The following OFD1 variants were observed in gnomAD, a reference collection of about 807,000 sequenced individuals.
OFD1 encodes OFD1 centriole and centriolar satellite protein, also known as centriole and centriolar satellite protein OFD1.
Under a neutral mutation model 81.4 loss-of-function variants are expected in OFD1, and 12 were observed. The ratio of observed to expected loss-of-function variants is 0.15; its 90% confidence interval spans 0.09 to 0.24. The LOEUF is 0.24. Among genes scored for constraint, OFD1 ranks in the 10% least tolerant of loss-of-function variants. The pLI is 1.00. For synonymous variants in OFD1, 256 were observed against 263.7 expected, an observed-to-expected ratio of 0.97 and a Z score of 0.28; for missense variants, 685 against 733.9, an observed-to-expected ratio of 0.93 and a Z score of 0.77.
intron 6 of OFD1, 108 bp from the exon 7 acceptor site, chrX:13,746,211 C>T: frequency 1.5e-6 from 1 of 683,436 alleles, no homozygotes. Context: ...TGCAGATAAT[C>T]CCTACACTTT....
Position 13,749,411 on chromosome X carries a change from A to G in OFD1, c.829-16A>G, listed in dbSNP as rs886658439. 8.8e-6 allele frequency: 9 copies of G among 1,025,151 alleles called. No homozygotes were observed. The highest frequency in any genetic ancestry group is 1.1e-5 in the Non-Finnish European group (8 of 725,967). The allele number at this position is 1,025,151 out of a possible 1,213,427, so 84.5% of individuals were successfully genotyped here. Reference sequence around the variant, plus strand: ...TCATTAGCTTGCTTGCTAAAAATTAATGCTTTTCTATACAGATTGAAACAA... The same window carrying G: ...TCATTAGCTTGCTTGCTAAAAATTAGTGCTTTTCTATACAGATTGAAACAA... On this transcript the variant is annotated splice_polypyrimidine_tract_variant and intron_variant, in intron 8 of 22. Transcript: ENST00000340096.
intron 5 of OFD1, among the ~76,000 whole-genome samples, chrX:13,743,386 G>A (rs2047180420): frequency 8.9e-6 from 1 of 112,233 alleles, no homozygotes; most frequent in Non-Finnish European, 1.9e-5. Context: ...ATGGAGATCT[G>A]GTTGTTTTAT....
Position 13,757,811 on chromosome X carries a change from G to A in OFD1, c.1542+21G>A, listed in dbSNP as rs16979182. ...ACGAAGTGAGTATTGCTCTTCTTCA[G>A]TTCTAGTGTGATACCAGTACACTTC... On this transcript the variant is annotated intron_variant, in intron 14 of 22. Transcript: ENST00000340096. 2.7e-3 allele frequency: 3,218 copies of A among 1,205,162 alleles called. 58 individuals carry two copies. In the African/African-American group the frequency reaches 0.049, roughly 18 times the overall value.
chrX:13,755,886 T>C (rs1301113127), intron 12 of OFD1, among the ~76,000 whole-genome samples: 1 of 110,097 alleles, frequency 9.1e-6, no homozygotes, highest in African/African-American at 3.3e-5. Context: ...AAATATGAGA[T>C]ATACTAAGAA....
At chrX:13,742,750 C>T (rs973481328) in intron 5 of OFD1, among the ~76,000 whole-genome samples, 1 of 111,435 alleles carries the variant, frequency 9.0e-6, no homozygotes, top group Non-Finnish European at 1.9e-5. Context: ...GTCTCGATCC[C>T]CTGACCTCAG....
At chrX:13,761,583 A>G (rs1266766043) in intron 17 of OFD1, among the ~76,000 whole-genome samples, 2 of 112,582 alleles carry the variant, frequency 1.8e-5, no homozygotes, top group African/African-American at 3.2e-5. Context: ...AGTTGGAACA[A>G]TTTTACACAT....
At chrX:13,746,632 T>C in intron 7 of OFD1, 148 bp from the exon 8 acceptor site, 1 of 695,818 alleles carries the variant, frequency 1.4e-6, no homozygotes, top group Non-Finnish European at 2.1e-6. Context: ...GAGTGAATCC[T>C]ACAAATAGAG....
At chrX:13,750,548 A>G (rs1240110241) in intron 9 of OFD1, among the ~76,000 whole-genome samples, 29 of 112,339 alleles carry the variant, frequency 2.6e-4, no homozygotes, top group Non-Finnish European at 3.8e-5. Flanking sequence ...AGACCATTCT[A>G]TTCTTCAGTA....
rs773417412 is a variant in OFD1 at position 13,762,946 on chromosome X, T to C, written c.2488+502T>C. 3.6e-5 allele frequency among the ~76,000 whole-genome samples: 4 copies of C among 110,826 alleles called. 1 individual carries two copies. The East Asian group carries it at 1.1e-3, about 31-fold the overall frequency. On this transcript the variant is annotated intron_variant, in intron 18 of 22. Coordinates refer to ENST00000340096, the MANE Select transcript of OFD1 (RefSeq NM_003611.3). ...TCACACCCAGCTAGTTTTTTTGTAT[T>C]TTTAGTAGAGATGGGGTTTCACCAT...
the OFD1 span, among the ~76,000 whole-genome samples, chrX:13,724,400 T>TAAA: frequency 2.4e-5 from 2 of 82,309 alleles, no homozygotes; most frequent in Non-Finnish European, 2.4e-5. Context: ...AATATATATT[T>TAAA]AAAAAAAAAA....
intron 5 of OFD1, among the ~76,000 whole-genome samples, chrX:13,741,354 A>T (rs1219168937): frequency 1.8e-5 from 2 of 111,661 alleles, no homozygotes; most frequent in Admixed American, 1.9e-4. Flanking sequence ...AAATTTTTTT[A>T]AAAATTGGTG....
downstream of OFD1, chrX:13,771,301 T>C (rs889796287): frequency 3.6e-5 from 4 of 110,782 alleles, no homozygotes; most frequent in Non-Finnish European, 7.6e-5. Flanking sequence ...CTGGAAAGAA[T>C]AGTTAAATCT....
intron 19 of OFD1, among the ~76,000 whole-genome samples, chrX:13,765,473 T>C (rs758204122): frequency 8.9e-6 from 1 of 111,920 alleles, no homozygotes; most frequent in South Asian, 3.8e-4. Context: ...GTGGAAATGA[T>C]CAGCTGTCTC....
At chrX:13,740,467 A>G (rs1339542822) in intron 5 of OFD1, among the ~76,000 whole-genome samples, 1 of 112,110 alleles carries the variant, frequency 8.9e-6, no homozygotes, top group Non-Finnish European at 1.9e-5. Context: ...TATTACTTCA[A>G]AAGGAAATTT....
chrX:13,762,294 C>T (rs1256505436), intron 17 of OFD1, 50 bp from the exon 18 acceptor site: 2 of 830,956 alleles, frequency 2.4e-6, no homozygotes, highest in African/African-American at 2.0e-5. Context: ...ACCTTGTACT[C>T]TTTGGTTTTC....
At chrX:13,758,757 A>G (rs754415789) in intron 15 of OFD1, among the ~76,000 whole-genome samples, 2 of 111,676 alleles carry the variant, frequency 1.8e-5, no homozygotes, top group Non-Finnish European at 1.9e-5. Context: ...TGTTACCCCA[A>G]TGTTAACACC....
intron 10 of OFD1, 106 bp downstream of exon 10, chrX:13,751,474 G>GAA (rs3214141): frequency 2.9e-4 from 134 of 459,166 alleles, no homozygotes; most frequent in Middle Eastern, 4.9e-4. Flanking sequence ...TTTAGTGTTT[G>GAA]AAAAAAAAAA....
the OFD1 span, chrX:13,716,147 G>A: frequency 1.3e-5 from 14 of 1,082,299 alleles, no homozygotes; most frequent in South Asian, 2.1e-5. Context: ...CAACCAGTTC[G>A]TTGATACAGT....
intron 9 of OFD1, 125 bp downstream of exon 9, chrX:13,749,658 C>A: frequency 2.0e-6 from 1 of 487,821 alleles, no homozygotes; most frequent in Non-Finnish European, 3.6e-6. Context: ...GGGATATCAC[C>A]TAGAAGGTAC....
Sources: allele counts gnomAD v4.1 joint callset (sites outside exome capture counted in the v4.1 genomes callset), GRCh38; gene constraint gnomAD v4.1.1; transcripts MANE v1.5; gene names NCBI Gene and HGNC (gene_info 2026-07-23, HGNC 2026-07-21).